MIPOL1: variants seen among roughly 807,000 people sequenced by gnomAD.
The protein encoded by MIPOL1 is mirror-image polydactyly 1, also known as mirror-image polydactyly gene 1 protein.
In MIPOL1, 57 loss-of-function variants were observed where a neutral mutation model predicts 60.9. The ratio of observed to expected loss-of-function variants is 0.94; its 90% CI spans 0.76 to 1.17. The LOEUF is 1.17. Ranked by LOEUF, MIPOL1 falls within the 50% of genes most tolerant of loss-of-function variation. MIPOL1 has a pLI of 0.00. For synonymous variants in MIPOL1, 179 were observed against 168.8 expected (o/e 1.06, Z -0.47); for missense variants, 551 against 511.6 (o/e 1.08, Z -0.74).
At chr14:37,361,380 CTT>C (rs1315415803) in intron 9 of MIPOL1, among the ~76,000 whole-genome samples, 1 of 151,936 alleles carries the variant, frequency 6.6e-6, no homozygotes, top group African/African-American at 2.4e-5. Flanking sequence ...CCTTCTCTCT[CTT>C]GGTTAACCTT....
At chr14:37,347,085 A>G (rs1307942886) in intron 9 of MIPOL1, among the ~76,000 whole-genome samples, 3 of 152,204 alleles carry the variant, frequency 2.0e-5, no homozygotes, top group African/African-American at 7.2e-5. Flanking sequence ...TCATCTACAC[A>G]CACAAGTTAA....
intron 11 of MIPOL1, among the ~76,000 whole-genome samples, chr14:37,484,636 G>A (rs911895042): frequency 2.0e-5 from 3 of 151,966 alleles, no homozygotes; most frequent in East Asian, 3.9e-4. Context: ...ACACCCAGCC[G>A]TTAGATCTTT....
intron 1 of MIPOL1, among the ~76,000 whole-genome samples, chr14:37,236,934 G>T (rs1876763572): frequency 6.6e-6 from 1 of 152,106 alleles, no homozygotes; most frequent in African/African-American, 2.4e-5. Flanking sequence ...TCATCCTGAG[G>T]TGAAAGTTTA....
chr14:37,546,488 TC>T (rs1405681352), intron 12 of MIPOL1, among the ~76,000 whole-genome samples: 2 of 152,188 alleles, frequency 1.3e-5, no homozygotes, highest in Non-Finnish European at 2.9e-5. Context: ...GAATCACTTA[TC>T]TAAGTAACAG....
chr14:37,321,204 A>G lies in MIPOL1; in HGVS notation c.828+12685A>G, dbSNP rs186368910. On this transcript the variant is annotated intron_variant, in intron 9 of 12. Coordinates refer to ENST00000684589, the MANE Select transcript of MIPOL1 (RefSeq NM_001388067.1). ...AGTCTTCCAAATGATTGATCTTTTC[A>G]TGAAAATGATTACTTTTTTCTTTAT... Among the ~76,000 whole-genome samples, 495 of 152,128 alleles carry G rather than the reference A, an allele frequency of 3.3e-3. 1 individual carries two copies. Among genetic ancestry groups the G allele is most frequent in the Non-Finnish European group, 6.1e-3 (413 of 67,890 alleles).
chr14:37,495,799 A>G (rs915227164), intron 11 of MIPOL1, among the ~76,000 whole-genome samples: 1 of 151,668 alleles, frequency 6.6e-6, no homozygotes, highest in African/African-American at 2.4e-5. Context: ...CCTGTTTCCT[A>G]ACTTTTTAAT....
chr14:37,404,340 C>T (rs775138265), intron 10 of MIPOL1, among the ~76,000 whole-genome samples: 1 of 152,124 alleles, frequency 6.6e-6, no homozygotes, highest in African/African-American at 2.4e-5. Flanking sequence ...GGTATTTAGT[C>T]ATACCAAGAG....
chr14:37,356,989 A>G (rs147599704), intron 9 of MIPOL1, among the ~76,000 whole-genome samples: 1 of 152,126 alleles, frequency 6.6e-6, no homozygotes, highest in East Asian at 1.9e-4. Context: ...CATGTGCCAC[A>G]TTTTCTTTAT....
chr14:37,270,640 CCT>C (rs1491538177), intron 6 of MIPOL1, 115 bp downstream of exon 6: 6 of 259,024 alleles, frequency 2.3e-5, no homozygotes, highest in South Asian at 1.9e-4. Context: ...GGGAAGCTCT[CCT>C]TTTTTTTTTT....
chr14:37,545,535 T>G (rs963476418), intron 12 of MIPOL1: 1 of 484,912 alleles, frequency 2.1e-6, no homozygotes, highest in Non-Finnish European at 3.7e-6. Flanking sequence ...GTTTGCATTT[T>G]AGAAAAGTTT....
intron 3 of MIPOL1, among the ~76,000 whole-genome samples, chr14:37,253,919 A>G (rs1044568694): frequency 3.3e-5 from 5 of 151,658 alleles, no homozygotes; most frequent in African/African-American, 1.2e-4. Flanking sequence ...TCCTTTTGGC[A>G]AGTATGGATT....
In MIPOL1 at chr14:37,308,106, G is replaced by C; in HGVS notation, c.657+17G>C. ...AATGACATGGTAAGCCATTCTCTGAGGAGATTTCTTGATGTCAGTCTTATA... is the reference window on the plus strand; with the variant it reads ...AATGACATGGTAAGCCATTCTCTGACGAGATTTCTTGATGTCAGTCTTATA... On this transcript the variant is annotated intron_variant, in intron 8 of 12. Transcript: ENST00000684589. 2 of 1,606,998 alleles carry C rather than the reference G, an allele frequency of 1.2e-6. 1 individual carries two copies. The highest frequency in any genetic ancestry group is 2.2e-5 in the South Asian group (2 of 90,226).
chr14:37,294,919 G>A (rs1340209670), intron 7 of MIPOL1, among the ~76,000 whole-genome samples: 4 of 152,108 alleles, frequency 2.6e-5, no homozygotes, highest in Admixed American at 1.3e-4. Flanking sequence ...ATCTAGCAAG[G>A]CAGGTCACTA....
chr14:37,231,233 A>C (rs899115901), intron 1 of MIPOL1, among the ~76,000 whole-genome samples: 1 of 152,028 alleles, frequency 6.6e-6, no homozygotes, highest in African/African-American at 2.4e-5. Context: ...GACTACAGGC[A>C]CTCACCACCA....
intron 10 of MIPOL1, among the ~76,000 whole-genome samples, chr14:37,388,781 G>A (rs1306440743): frequency 1.3e-5 from 2 of 151,946 alleles, no homozygotes; most frequent in East Asian, 1.9e-4. Context: ...TCAACATGAT[G>A]ATTTTGAGAT....
intron 10 of MIPOL1, among the ~76,000 whole-genome samples, chr14:37,383,920 A>G (rs977148052): frequency 1.3e-5 from 2 of 151,886 alleles, no homozygotes; most frequent in Non-Finnish European, 2.9e-5. Context: ...GATATTTAAC[A>G]TACAAATGAA....
rs2095552210 is a variant in MIPOL1 at position 37,547,887 on chromosome 14, T to C, written c.*916T>C. ...TATAATATTCAATACAATTGTAATG[T>C]AGAAATATAAGAATTTAGAAAAAAG... On this transcript the variant is annotated 3_prime_UTR_variant, in exon 13 of 13. Coordinates refer to ENST00000684589, the MANE Select transcript of MIPOL1 (RefSeq NM_001388067.1). 6.6e-6 allele frequency: 1 copy of C among 152,054 alleles called. No homozygotes were observed. Among genetic ancestry groups the C allele is most frequent in the South Asian group, 2.1e-4 (1 of 4,830 alleles). The allele number at this position is 152,054 out of a possible 1,614,324, so 9.4% of individuals were successfully genotyped here.
At chr14:37,531,106 C>T (rs945855688) in intron 12 of MIPOL1, among the ~76,000 whole-genome samples, 4 of 152,138 alleles carry the variant, frequency 2.6e-5, no homozygotes, top group African/African-American at 9.7e-5. Context: ...GCGTGAACCA[C>T]CGCGCCCAGC....
In MIPOL1 at chr14:37,547,851, A is replaced by G. The variant is rs2095552102; in HGVS notation, c.*880A>G. Reference sequence around the variant, plus strand: ...CATTTGATTTTTATTGTGGAGGAGGAGGATCTAATATATAATATTCAATAC... The same window carrying G: ...CATTTGATTTTTATTGTGGAGGAGGGGGATCTAATATATAATATTCAATAC... On this transcript the variant is annotated 3_prime_UTR_variant, in exon 13 of 13. Coordinates refer to ENST00000684589, the MANE Select transcript of MIPOL1 (RefSeq NM_001388067.1). The G allele has an allele frequency of 6.6e-6, 1 of 151,980 alleles. No homozygotes were observed. The highest frequency in any genetic ancestry group is 6.6e-5 in the Admixed American group (1 of 15,248). 9.4% of individuals were successfully genotyped at this position (151,980 alleles called of 1,614,324 possible). A position where few individuals can be genotyped will look rare whatever the true frequency, so the allele number is the denominator to read the frequency against.
Sources: allele counts gnomAD v4.1 joint callset (sites outside exome capture counted in the v4.1 genomes callset), GRCh38; gene constraint gnomAD v4.1.1; transcripts MANE v1.5; gene names NCBI Gene and HGNC (gene_info 2026-07-23, HGNC 2026-07-21).